The following ADAM32 variants were observed in gnomAD, a reference collection of about 807,000 sequenced individuals.
The protein encoded by ADAM32 is ADAM metallopeptidase domain 32.
ADAM32 carries 89 observed loss-of-function variants against 114.9 expected under a neutral mutation model. The ratio of observed to expected loss-of-function variants is 0.77; its 90% CI spans 0.65 to 0.92. The LOEUF is 0.92. ADAM32 is among the 40% of genes least tolerant of loss of function. ADAM32 has a pLI of 0.00. For missense variants in ADAM32, 870 were observed against 932.8 expected (o/e 0.93, Z 0.88); for synonymous variants, 285 against 307.5 (o/e 0.93, Z 0.77).
chr8:39,155,789 T>G (rs1316528280), intron 6 of ADAM32, among the ~76,000 whole-genome samples: 1 of 152,180 alleles, frequency 6.6e-6, no homozygotes. Flanking sequence ...TTTAGTGGAT[T>G]TTTTTCTAGT....
intron 11 of ADAM32, among the ~76,000 whole-genome samples, chr8:39,204,277 C>T (rs1256676477): frequency 3.9e-5 from 6 of 152,300 alleles, no homozygotes; most frequent in East Asian, 1.9e-4. Flanking sequence ...ACCAATCAGA[C>T]GTAGATTTGG....
intron 24 of ADAM32, 109 bp downstream of exon 24, chr8:39,283,733 A>C: frequency 8.7e-6 from 7 of 803,292 alleles, no homozygotes; most frequent in Non-Finnish European, 1.4e-5. Flanking sequence ...TGAATTGGTA[A>C]AGTACTGCAC....
intron 7 of ADAM32, among the ~76,000 whole-genome samples, chr8:39,163,427 T>C (rs572931697): frequency 7.9e-5 from 12 of 151,214 alleles, no homozygotes; most frequent in East Asian, 2.0e-4. Context: ...ATTTTGGTAA[T>C]AGTGTAGGGA....
At chr8:39,111,720 C>CAA (rs11343568) in intron 1 of ADAM32, among the ~76,000 whole-genome samples, 37 of 78,294 alleles carry the variant, frequency 4.7e-4, no homozygotes, top group African/African-American at 1.6e-3. Flanking sequence ...GACTCTTTCT[C>CAA]AAAAAAAAAA....
intron 6 of ADAM32, among the ~76,000 whole-genome samples, chr8:39,159,078 C>T (rs370933677): frequency 6.6e-6 from 1 of 151,964 alleles, no homozygotes; most frequent in Non-Finnish European, 1.5e-5. Flanking sequence ...ATACTACTTT[C>T]TTGTTGTTGT....
At chr8:39,153,850 T>C (rs1803986044) in intron 6 of ADAM32, among the ~76,000 whole-genome samples, 1 of 152,210 alleles carries the variant, frequency 6.6e-6, no homozygotes, top group Admixed American at 6.5e-5. Context: ...AATGAAGTGA[T>C]AATTACTACA....
rs1180187869 is a variant in ADAM32 at position 39,274,354 on chromosome 8, A to C, written c.2240+4A>C. The C allele has an allele frequency of 3.1e-6, 5 of 1,612,962 alleles. No individual in the cohort carries two copies. The South Asian group carries it at 5.5e-5, about 18-fold the overall frequency. On this transcript the variant is annotated splice_donor_region_variant and intron_variant, in intron 21 of 24. Coordinates refer to ENST00000379907, the MANE Select transcript of ADAM32 (RefSeq NM_145004.7). Reference sequence around the variant, plus strand: ...GCACTCAGACATATGCCAGCCAGTAAGTAGGTTAGAAGAGGTTTTTAAGAT... The same window carrying C: ...GCACTCAGACATATGCCAGCCAGTACGTAGGTTAGAAGAGGTTTTTAAGAT...
intron 11 of ADAM32, among the ~76,000 whole-genome samples, chr8:39,210,741 CTT>C (rs763076753): frequency 7.9e-5 from 12 of 152,098 alleles, no homozygotes; most frequent in Non-Finnish European, 1.2e-4. Context: ...TAAATATACA[CTT>C]TTTTTCTGAG....
intron 17 of ADAM32, 130 bp from the exon 18 acceptor site, chr8:39,254,284 T>A: frequency 1.6e-6 from 1 of 619,988 alleles, no homozygotes; most frequent in Non-Finnish European, 2.6e-6. Context: ...AAACCAAACA[T>A]TTGATATGTG....
chr8:39,196,053 T>C (rs1462969984), intron 11 of ADAM32, among the ~76,000 whole-genome samples: 2 of 152,164 alleles, frequency 1.3e-5, no homozygotes, highest in Non-Finnish European at 2.9e-5. Context: ...AGAAGTCTTT[T>C]ACCTCCTTGG....
chr8:39,209,886 A>G (rs1363547584), intron 11 of ADAM32, among the ~76,000 whole-genome samples: 2 of 152,156 alleles, frequency 1.3e-5, no homozygotes, highest in Admixed American at 1.3e-4. Context: ...GAGGTGATAC[A>G]TGCACTTTCA....
At chr8:39,241,221 C>T (rs747094375) in intron 16 of ADAM32, among the ~76,000 whole-genome samples, 3 of 152,222 alleles carry the variant, frequency 2.0e-5, no homozygotes, top group Non-Finnish European at 4.4e-5. Context: ...CAGCTCTGCA[C>T]CTGTGACTTT....
chr8:39,129,669 C>T (rs1802324445), intron 2 of ADAM32, among the ~76,000 whole-genome samples: 2 of 151,996 alleles, frequency 1.3e-5, no homozygotes, highest in Admixed American at 1.3e-4. Flanking sequence ...ATTGTATAAC[C>T]ACCATAATTC....
intron 15 of ADAM32, among the ~76,000 whole-genome samples, chr8:39,232,371 T>G (rs1451409067): frequency 6.6e-6 from 1 of 152,140 alleles, no homozygotes; most frequent in Non-Finnish European, 1.5e-5. Context: ...AATCCAAAGT[T>G]GAAATTCATA....
chr8:39,175,626 G>A (rs1349940501), intron 10 of ADAM32, among the ~76,000 whole-genome samples: 1 of 152,138 alleles, frequency 6.6e-6, no homozygotes, highest in Non-Finnish European at 1.5e-5. Flanking sequence ...AGAGATATTG[G>A]CCTGAAGTTT....
chr8:39,161,025 A>G, intron 7 of ADAM32, 60 bp downstream of exon 7: 2 of 1,393,380 alleles, frequency 1.4e-6, no homozygotes, highest in Admixed American at 5.0e-5. Context: ...GATTATGCCT[A>G]GCTAGCTAGA....
intron 1 of ADAM32, among the ~76,000 whole-genome samples, chr8:39,110,458 G>A (rs1180916226): frequency 6.6e-6 from 1 of 152,134 alleles, no homozygotes; most frequent in East Asian, 1.9e-4. Flanking sequence ...TGACATCTTG[G>A]TTGCTTCTAA....
intron 3 of ADAM32, among the ~76,000 whole-genome samples, chr8:39,138,398 C>T (rs1018913133): frequency 2.4e-4 from 37 of 152,180 alleles, no homozygotes; most frequent in South Asian, 4.2e-4. Flanking sequence ...TGTTCAACTC[C>T]GACCTATGAG....
chr8:39,209,264 G>T (rs1808053890), intron 11 of ADAM32, among the ~76,000 whole-genome samples: 1 of 152,056 alleles, frequency 6.6e-6, no homozygotes, highest in Non-Finnish European at 1.5e-5. Flanking sequence ...CTGCTTTCGA[G>T]ACCCTCTAAT....
Sources: allele counts gnomAD v4.1 joint callset (sites outside exome capture counted in the v4.1 genomes callset), GRCh38; gene constraint gnomAD v4.1.1; transcripts MANE v1.5; gene names NCBI Gene and HGNC (gene_info 2026-07-23, HGNC 2026-07-21).